The following UTP20 variants were observed in gnomAD, a reference collection of about 807,000 sequenced individuals.
The protein encoded by UTP20 is small subunit processome component 20 homolog.
A neutral mutation model predicts 329.5 loss-of-function variants in UTP20; 164 were observed. That is an observed-to-expected ratio of 0.50 (90% CI 0.44 to 0.57). The LOEUF (loss-of-function observed/expected upper bound fraction) is 0.57, where lower values mean the gene tolerates loss of function less well. Ranked by LOEUF, UTP20 falls within the 20% of genes least tolerant of loss-of-function variation. UTP20 has a pLI of 0.00. For missense variants in UTP20, 3,055 were observed against 3,284.2 expected (o/e 0.93, Z 1.71); for synonymous variants, 1,151 against 1,159.3 (o/e 0.99, Z 0.14).
intron 46 of UTP20, among the ~76,000 whole-genome samples, 171 bp downstream of exon 46, chr12:101,365,796 G>A (rs1870078427): frequency 6.6e-6 from 1 of 152,174 alleles, no homozygotes. Flanking sequence ...CATAAATGAG[G>A]TAGCAGTGAC....
intron 32 of UTP20, among the ~76,000 whole-genome samples, chr12:101,342,240 TAAAG>T (rs911364871): frequency 6.6e-6 from 1 of 152,154 alleles, no homozygotes; most frequent in Admixed American, 6.5e-5. Flanking sequence ...TTATTAGAAT[TAAAG>T]GAAGAAACTG....
intron 3 of UTP20, 31 bp downstream of exon 3, chr12:101,285,667 C>T (rs749395295): frequency 1.2e-6 from 2 of 1,613,518 alleles, no homozygotes; most frequent in East Asian, 4.5e-5. Flanking sequence ...ATTTTATTCA[C>T]CCATAGTTTG....
intron 45 of UTP20, 97 bp downstream of exon 45, chr12:101,363,840 C>A: frequency 3.7e-6 from 3 of 804,896 alleles, no homozygotes; most frequent in Middle Eastern, 3.2e-4. Flanking sequence ...TGTTCTTGAT[C>A]ACCCATGATT....
intron 52 of UTP20, 124 bp downstream of exon 52, chr12:101,373,087 A>G (rs1369517436): frequency 3.6e-5 from 29 of 805,108 alleles, no homozygotes; most frequent in Non-Finnish European, 5.3e-5. Flanking sequence ...ATACTGTTAT[A>G]TGACTCATTG....
At chr12:101,383,998 C>G (rs1870746702) in intron 60 of UTP20, among the ~76,000 whole-genome samples, 1 of 150,394 alleles carries the variant, frequency 6.6e-6, no homozygotes, top group South Asian at 2.1e-4. Flanking sequence ...GCTACTGTAC[C>G]CAGCCAGAGT....
intron 2 of UTP20, among the ~76,000 whole-genome samples, chr12:101,283,914 T>C (rs1871876045): frequency 6.6e-6 from 1 of 152,100 alleles, no homozygotes; most frequent in African/African-American, 2.4e-5. Context: ...TTTTTAATAT[T>C]TGTGGTTACA....
At chr12:101,348,816 A>G (rs1341328704) in intron 38 of UTP20, among the ~76,000 whole-genome samples, 3 of 145,242 alleles carry the variant, frequency 2.1e-5, no homozygotes, top group Non-Finnish European at 3.0e-5. Context: ...GCCTCAAGCA[A>G]CCATCCCACC....
rs377393735 is a variant in UTP20, at chr12:101,366,676, A to G, written c.6244A>G (p.Ile2082Val). The G allele has an allele frequency of 8.1e-6, 13 of 1,613,966 alleles. No homozygotes were observed. The highest frequency in any genetic ancestry group is 2.2e-5 in the South Asian group (2 of 91,064). ...AVVSRKTNMH[I>V]FIESGLRLLH... The stretch of plus-strand genomic sequence containing the variant: ...TGTGAGCAGGAAAACCAACATGCAC[A>G]TATTTATTGAGTCCGGGCTTCGGGT... Residue 2082 changes from isoleucine (I) to valine (V), a missense_variant, in exon 47 of 62, where the codon ATA (isoleucine) becomes GTA (valine). Ile to Val is a conservative substitution (Grantham distance 29). This residue lies in a region of UTP20 where 2,445 missense variants were observed against 2,575.5 expected (regional missense o/e 0.95). Transcript: ENST00000261637.
At position 101,346,182 on chromosome 12, in the gene UTP20, G is replaced by A. The variant is rs565479928; in HGVS notation, c.4747-269G>A. On this transcript the variant is annotated intron_variant, in intron 37 of 61. Transcript: ENST00000261637. ...TTCTCCTGCCTCAGCGTCCTGAGTAGCTGGGATTACAGGCATGCACCACCA... is the reference window on the plus strand; with the variant it reads ...TTCTCCTGCCTCAGCGTCCTGAGTAACTGGGATTACAGGCATGCACCACCA... 1.5e-3 allele frequency among the ~76,000 whole-genome samples: 221 copies of A among 152,192 alleles called. 1 individual carries two copies. Among genetic ancestry groups the A allele is most frequent in the African/African-American group, 5.2e-3 (216 of 41,530 alleles).
chr12:101,368,853 G>A (rs1210619692), intron 48 of UTP20, among the ~76,000 whole-genome samples: 3 of 152,138 alleles, frequency 2.0e-5, no homozygotes, highest in Admixed American at 2.0e-4. Flanking sequence ...TGCAGAGCTG[G>A]GATGTAAGCC....
Position 101,342,982 on chromosome 12 carries a change from C to T in UTP20, c.4338C>T (p.Phe1446=), listed in dbSNP as rs780212979. The T allele has an allele frequency of 5.0e-6, 8 of 1,613,612 alleles. No homozygotes were observed. Among genetic ancestry groups the T allele is most frequent in the African/African-American group, 1.3e-5 (1 of 74,908 alleles). The part of the protein sequence containing the change: ...FDQRHLDDIN[F]DVRFETFQTI... ...AAAGACATCTTGATGATATCAACTT[C>T]GACGTTCGCTTTGAGACTTTCCAGA... The change falls in exon 35 of 62, where the codon TTC becomes TTT. Residue 1446 remains phenylalanine, a synonymous_variant. Coordinates refer to ENST00000261637, the MANE Select transcript of UTP20 (RefSeq NM_014503.3).
At chr12:101,356,353 C>T (rs527510639) in intron 41 of UTP20, among the ~76,000 whole-genome samples, 13 of 152,252 alleles carry the variant, frequency 8.5e-5, no homozygotes, top group Non-Finnish European at 1.2e-4. Context: ...CTCAAACTCC[C>T]GATCTCAGGT....
rs1870069787 is a variant in UTP20, at chr12:101,365,580, A to G, written c.6080A>G (p.Tyr2027Cys). 1.2e-6 allele frequency: 2 copies of G among 1,603,576 alleles called. No individual in the cohort carries two copies. The highest frequency in any genetic ancestry group is 1.7e-6 in the Non-Finnish European group (2 of 1,177,074). The change falls in exon 46 of 62, where the codon TAT becomes TGT. Residue 2027 changes from tyrosine (Y) to cysteine (C), a missense_variant. By Grantham distance (194) the Tyr-to-Cys change is radical (BLOSUM62 -2). Coordinates refer to ENST00000261637, the MANE Select transcript of UTP20 (RefSeq NM_014503.3). ...MTAESILLLS[Y>C]GLISENLPLL... ...GCTGAATCCATTCTATTACTCAGTT[A>G]TGGTTTGATCAGTGAAAATCTTCCC... is the stretch of plus-strand genomic sequence containing the variant.
rs1284244999 is a variant in UTP20 at position 101,280,342 on chromosome 12, T to C, written c.45+15T>C. ...ACACCTACCGGGTGAGCGCGGGAGC[T>C]TAGGCAGGGAGCCGCGGGTCTCCGC... is the stretch of plus-strand genomic sequence containing the variant. On this transcript the variant is annotated intron_variant, in intron 1 of 61. Transcript: ENST00000261637. The C allele has an allele frequency of 1.3e-6, 2 of 1,551,672 alleles. No individual in the cohort carries two copies. The highest frequency in any genetic ancestry group is 1.7e-6 in the Non-Finnish European group (2 of 1,146,960).
intron 2 of UTP20, among the ~76,000 whole-genome samples, 195 bp downstream of exon 2, chr12:101,281,391 T>C (rs1398797514): frequency 6.6e-6 from 1 of 152,372 alleles, no homozygotes; most frequent in East Asian, 1.9e-4. Context: ...CAAATGTGGC[T>C]AGTTGCTAAC....
chr12:101,345,467 T>C, intron 36 of UTP20, 87 bp from the exon 37 acceptor site: 2 of 1,000,152 alleles, frequency 2.0e-6, no homozygotes, highest in South Asian at 4.3e-5. Flanking sequence ...TTTTACTTTT[T>C]AAAATTTTAT....
intron 17 of UTP20, among the ~76,000 whole-genome samples, chr12:101,307,294 TACACACAC>T (rs35767250): frequency 1.1e-4 from 16 of 146,974 alleles, no homozygotes; most frequent in South Asian, 6.5e-4. Flanking sequence ...ACTTTTTGAA[TACACACAC>T]ACACACACAC....
intron 32 of UTP20, 81 bp downstream of exon 32, chr12:101,340,691 G>A (rs1869094049): frequency 5.7e-6 from 5 of 872,006 alleles, no homozygotes; most frequent in Non-Finnish European, 9.3e-6. Context: ...CAATTTTACT[G>A]GCTAGATTTT....
chr12:101,355,480 G>T (rs1869688993), intron 41 of UTP20, among the ~76,000 whole-genome samples: 1 of 152,146 alleles, frequency 6.6e-6, no homozygotes, highest in Non-Finnish European at 1.5e-5. Context: ...AGTTAACAGG[G>T]ATAACATTCA....
Sources: gnomAD v4.1 joint callset for allele counts (sites outside exome capture counted in the v4.1 genomes callset) on GRCh38, gnomAD v4.1.1 for gene constraint, gnomAD v4.1.1 regional missense constraint, MANE v1.5 for transcripts, NCBI Gene and HGNC (gene_info 2026-07-23, HGNC 2026-07-21) for gene names.